GPC5: variants seen among roughly 807,000 people sequenced by gnomAD.
The protein encoded by GPC5 is glypican-5.
A neutral mutation model predicts 53.9 loss-of-function variants in GPC5; 47 were observed. The observed-to-expected ratio is 0.87, with a 90% CI of 0.69 to 1.11. GPC5 has a LOEUF of 1.11. GPC5 is among the 50% of genes most tolerant of loss of function. The pLI is 0.00. For synonymous variants in GPC5, 286 were observed against 263.3 expected (o/e 1.09, Z -0.84); for missense variants, 748 against 713.1 (o/e 1.05, Z -0.56).
Position 92,144,823 on chromosome 13 carries a change from C to T in GPC5, c.1402-7C>T, listed in dbSNP as rs372254141. The T allele has an allele frequency of 6.2e-7, 1 of 1,606,372 alleles. No individual in the cohort carries two copies. The highest frequency in any genetic ancestry group is 8.5e-7 in the Non-Finnish European group (1 of 1,176,642). On this transcript the variant is annotated splice_polypyrimidine_tract_variant and splice_region_variant and intron_variant, in intron 6 of 7. Transcript: ENST00000377067. ...ATTAGTAAAGGCCTTTCTTTATGTA[C>T]AATTAGTTGTTACAGGGTAGATCAC... is the stretch of plus-strand genomic sequence containing the variant.
At chr13:92,839,639 T>A (rs1878351970) in intron 7 of GPC5, among the ~76,000 whole-genome samples, 2 of 152,130 alleles carry the variant, frequency 1.3e-5, no homozygotes, top group South Asian at 4.1e-4. Context: ...GATTATGTTA[T>A]TTTTATGGCT....
At chr13:91,771,036 A>T (rs929761008) in intron 5 of GPC5, among the ~76,000 whole-genome samples, 4 of 152,230 alleles carry the variant, frequency 2.6e-5, no homozygotes, top group African/African-American at 9.6e-5. Flanking sequence ...CTACAAACAC[A>T]TAACCACACT....
chr13:92,634,320 T>C (rs1885348122), intron 7 of GPC5, among the ~76,000 whole-genome samples: 1 of 152,102 alleles, frequency 6.6e-6, no homozygotes, highest in African/African-American at 2.4e-5. Context: ...TGGATAGGTA[T>C]TACTCAAAAT....
intron 6 of GPC5, among the ~76,000 whole-genome samples, chr13:92,030,779 C>T (rs1438959647): frequency 1.3e-5 from 2 of 152,292 alleles, no homozygotes; most frequent in South Asian, 2.1e-4. Context: ...CCATTTGCAG[C>T]GGGGAAGAGC....
At chr13:92,681,212 A>G (rs1361299629) in intron 7 of GPC5, among the ~76,000 whole-genome samples, 1 of 152,134 alleles carries the variant, frequency 6.6e-6, no homozygotes, top group Non-Finnish European at 1.5e-5. Flanking sequence ...AAAAAATTCC[A>G]AAATTAATTG....
At chr13:92,056,263 C>T (rs929732348) in intron 6 of GPC5, among the ~76,000 whole-genome samples, 2 of 152,150 alleles carry the variant, frequency 1.3e-5, no homozygotes, top group African/African-American at 2.4e-5. Context: ...ACTCTGTTTC[C>T]ATCATCTCAA....
intron 6 of GPC5, among the ~76,000 whole-genome samples, chr13:92,063,709 G>C (rs753744896): frequency 1.3e-5 from 2 of 152,092 alleles, no homozygotes; most frequent in Non-Finnish European, 2.9e-5. Context: ...CCATAAAAAG[G>C]AGTTTTCCTG....
At position 91,728,595 on chromosome 13, in the gene GPC5, C is replaced by T; in HGVS notation, c.1084C>T (p.Gln362Ter). 1.2e-6 allele frequency: 2 copies of T among 1,613,182 alleles called. No homozygotes were observed. The highest frequency in any genetic ancestry group is 1.7e-6 in the Non-Finnish European group (2 of 1,179,432). Residue 362 changes from glutamine (Q) to a stop codon, truncating the protein, a stop_gained, in exon 4 of 8, where the codon CAG becomes TAG. Transcript: ENST00000377067. LOFTEE classifies it high-confidence loss of function. ...ACAAAGCCCCCGTTGTTCTTTTGAT[C>T]AGAGCAAAGAGAAGCATGGAATGAA... ...PTQSPRCSFD[Q>*]SKEKHGMKTT...
intron 6 of GPC5, among the ~76,000 whole-genome samples, chr13:92,119,551 C>T (rs1345905698): frequency 6.1e-5 from 9 of 148,176 alleles, no homozygotes; most frequent in African/African-American, 2.0e-4. Flanking sequence ...AAGGCGCCCG[C>T]CACCTCGCCT....
chr13:92,557,823 A>G (rs1316808049), intron 7 of GPC5, among the ~76,000 whole-genome samples: 1 of 151,942 alleles, frequency 6.6e-6, no homozygotes, highest in African/African-American at 2.4e-5. Flanking sequence ...TACCTGGATT[A>G]TGGCAGTCAT....
chr13:91,913,088 T>C (rs143582073), intron 6 of GPC5, among the ~76,000 whole-genome samples: 458 of 152,220 alleles, frequency 3.0e-3, no homozygotes, highest in Non-Finnish European at 5.5e-3. Context: ...AGAAATATTT[T>C]AGTTAGAAGA....
intron 7 of GPC5, among the ~76,000 whole-genome samples, chr13:92,612,832 TATA>T (rs1414092561): frequency 2.6e-5 from 4 of 152,158 alleles, no homozygotes; most frequent in Non-Finnish European, 5.9e-5. Flanking sequence ...TTCTTTGTCC[TATA>T]ATATTTCATA....
At chr13:92,237,758 C>T (rs774697853) in intron 7 of GPC5, among the ~76,000 whole-genome samples, 20 of 151,990 alleles carry the variant, frequency 1.3e-4, no homozygotes, top group Non-Finnish European at 1.9e-4. Flanking sequence ...CAAACACTAC[C>T]ACAATAAATT....
intron 7 of GPC5, among the ~76,000 whole-genome samples, chr13:92,588,797 G>A (rs1051892065): frequency 1.3e-5 from 2 of 152,132 alleles, no homozygotes; most frequent in African/African-American, 4.8e-5. Context: ...GATAGAGGAG[G>A]TATTAGTTCC....
chr13:92,657,579 GTTTTTT>G (rs67038073), intron 7 of GPC5, among the ~76,000 whole-genome samples: 24,985 of 107,072 alleles, frequency 0.23, 1,601 homozygotes, highest in South Asian at 0.39. Context: ...AGGTTTTTTG[GTTTTTT>G]TTTTTTTTTT....
Position 92,478,752 on chromosome 13 carries a change from C to T in GPC5, c.1561+333763C>T, listed in dbSNP as rs115713944. ...CAGCATGGGACATAAAGAGTCCCAC[C>T]GCAGGGCTTGAATTTATAGGAATCT... On this transcript the variant is annotated intron_variant, in intron 7 of 7. Transcript: ENST00000377067. 4.2e-3 allele frequency among the ~76,000 whole-genome samples: 637 copies of T among 152,232 alleles called. 4 individuals are homozygous for T. Among genetic ancestry groups the T allele is most frequent in the African/African-American group, 0.014 (592 of 41,552 alleles).
At chr13:92,595,398 T>G (rs900712646) in intron 7 of GPC5, among the ~76,000 whole-genome samples, 5 of 152,176 alleles carry the variant, frequency 3.3e-5, no homozygotes, top group African/African-American at 1.2e-4. Flanking sequence ...TCATAAACAA[T>G]GTTTGCAGTA....
chr13:92,781,069 C>T (rs534966819), intron 7 of GPC5, among the ~76,000 whole-genome samples: 1 of 152,182 alleles, frequency 6.6e-6, no homozygotes, highest in African/African-American at 2.4e-5. Flanking sequence ...AAGTTTATGA[C>T]AATGAAGACA....
At position 92,494,060 on chromosome 13, in the gene GPC5, T is replaced by TGTTTGTTTGTTTG. The variant is rs11390395; in HGVS notation, c.1561+349071_1561+349072insGTTTGTTTGTTTG. ...ATTAAAAGAATTACTTTGTGTTTTT[T>TGTTTGTTTGTTTG]TTTGTTTGTTTGTTTGTTTGTTTTG... On this transcript the variant is annotated intron_variant, in intron 7 of 7. Transcript: ENST00000377067. 4.2e-5 allele frequency among the ~76,000 whole-genome samples: 6 copies of TGTTTGTTTGTTTG among 143,902 alleles called. No homozygotes were observed. The East Asian group carries it at 1.0e-3, about 24-fold the overall frequency. The allele number at this position is 143,902 out of a possible 152,430, so 94.4% of individuals were successfully genotyped here. A position where few individuals can be genotyped will look rare whatever the true frequency, so the allele number is the denominator to read the frequency against.
Sources: gnomAD v4.1 joint callset for allele counts (sites outside exome capture counted in the v4.1 genomes callset) on GRCh38, gnomAD v4.1.1 for gene constraint, MANE v1.5 for transcripts, NCBI Gene and HGNC (gene_info 2026-07-23, HGNC 2026-07-21) for gene names.